SMYD3: variants seen among roughly 807,000 people sequenced by gnomAD.
SMYD3 encodes the protein SET and MYND domain containing 3.
In SMYD3, 36 loss-of-function variants were observed where a neutral mutation model predicts 57.7. That is an observed-to-expected ratio of 0.62 (90% CI 0.48 to 0.82). The LOEUF is 0.82. Among genes scored for constraint, SMYD3 ranks in the 40% least tolerant of loss-of-function variants. The pLI is 0.00. For missense variants in SMYD3, 515 were observed against 538.8 expected (o/e 0.96, Z 0.44); for synonymous variants, 211 against 195.0 (o/e 1.08, Z -0.68).
At chr1:246,240,350 CT>C (rs951123148) in intron 5 of SMYD3, among the ~76,000 whole-genome samples, 10 of 152,178 alleles carry the variant, frequency 6.6e-5, no homozygotes, top group African/African-American at 2.2e-4. Context: ...AATAGGGAAT[CT>C]TTCCCCCATT....
intron 5 of SMYD3, among the ~76,000 whole-genome samples, chr1:246,026,613 T>C (rs951004048): frequency 2.0e-5 from 3 of 152,216 alleles, no homozygotes; most frequent in African/African-American, 7.2e-5. Context: ...ACATTACTAC[T>C]GTAATTGTTT....
chr1:246,073,016 G>A (rs1048221062), intron 5 of SMYD3, among the ~76,000 whole-genome samples: 1 of 152,198 alleles, frequency 6.6e-6, no homozygotes, highest in African/African-American at 2.4e-5. Flanking sequence ...GCAGTGACCA[G>A]AGGTTTTTGA....
chr1:245,955,928 G>C, intron 5 of SMYD3: 1 of 976,696 alleles, frequency 1.0e-6, no homozygotes, highest in Non-Finnish European at 1.2e-6. Flanking sequence ...TTATGTTGAT[G>C]CATGTTGCTA....
At chr1:246,352,029 G>A (rs1439397982) in intron 2 of SMYD3, among the ~76,000 whole-genome samples, 8 of 151,018 alleles carry the variant, frequency 5.3e-5, no homozygotes, top group African/African-American at 1.9e-4. Flanking sequence ...CCAACTACCT[G>A]GGGAGGCTGA....
At chr1:246,424,028 G>A (rs938452253) in intron 1 of SMYD3, among the ~76,000 whole-genome samples, 19 of 152,150 alleles carry the variant, frequency 1.2e-4, no homozygotes, top group African/African-American at 4.6e-4. Flanking sequence ...GGTACCAGCA[G>A]ACCTAAAGCT....
intron 5 of SMYD3, among the ~76,000 whole-genome samples, chr1:245,969,313 A>G (rs1174748008): frequency 6.6e-6 from 1 of 152,204 alleles, no homozygotes; most frequent in Admixed American, 6.5e-5. Context: ...ATACAACTGC[A>G]CAACTTCTAC....
intron 5 of SMYD3, among the ~76,000 whole-genome samples, chr1:245,998,405 G>A (rs1481949092): frequency 1.3e-5 from 2 of 152,276 alleles, no homozygotes; most frequent in South Asian, 2.1e-4. Flanking sequence ...CTGAAGCACC[G>A]TTTGATTCTT....
In SMYD3 at chr1:245,971,588, G is replaced by A. The variant is rs550751493; in HGVS notation, c.532-41651C>T. 2.8e-4 allele frequency among the ~76,000 whole-genome samples: 42 copies of A among 152,314 alleles called. No homozygotes were observed. The South Asian group carries it at 7.9e-3, about 29-fold the overall frequency. On this transcript the variant is annotated intron_variant, in intron 5 of 11. Coordinates refer to ENST00000490107, the MANE Select transcript of SMYD3 (RefSeq NM_001167740.2). ...CATTCTTCTTCCTGAGGGAAAACCT[G>A]AGCTTAGGTTGTTCTCTCTGAAACA...
At chr1:245,808,100 G>A (rs959918806) in intron 10 of SMYD3, among the ~76,000 whole-genome samples, 2 of 152,174 alleles carry the variant, frequency 1.3e-5, no homozygotes, top group African/African-American at 4.8e-5. Context: ...ATAATAAACT[G>A]GCTGTTCCCA....
chr1:245,784,184 G>C (rs1158384669), intron 10 of SMYD3, among the ~76,000 whole-genome samples: 1 of 152,210 alleles, frequency 6.6e-6, no homozygotes, highest in East Asian at 1.9e-4. Context: ...TAGTTCTCAT[G>C]CTAATTCTGC....
intron 5 of SMYD3, among the ~76,000 whole-genome samples, chr1:245,951,413 CA>C (rs1314905994): frequency 3.6e-5 from 5 of 137,822 alleles, no homozygotes; most frequent in African/African-American, 1.2e-4. Context: ...ACTAAAAATA[CA>C]AAAAATTAGC....
intron 5 of SMYD3, among the ~76,000 whole-genome samples, chr1:246,128,987 G>A (rs1043772287): frequency 2.6e-5 from 4 of 151,800 alleles, no homozygotes; most frequent in East Asian, 1.9e-4. Context: ...TGTATTTTTC[G>A]GGGTTTTGCC....
intron 5 of SMYD3, among the ~76,000 whole-genome samples, chr1:246,154,033 C>T (rs1461371714): frequency 6.6e-6 from 1 of 152,194 alleles, no homozygotes; most frequent in Non-Finnish European, 1.5e-5. Flanking sequence ...CTGCCCCATA[C>T]ATGAGTCACT....
chr1:245,817,077 C>T (rs2048862146), intron 10 of SMYD3, among the ~76,000 whole-genome samples: 2 of 151,560 alleles, frequency 1.3e-5, no homozygotes, highest in South Asian at 2.1e-4. Flanking sequence ...CCTCTGTAGG[C>T]TCCACCTCTG....
intron 11 of SMYD3, 144 bp downstream of exon 11, chr1:245,763,897 T>C (rs12082917): frequency 0.013 from 7,824 of 590,406 alleles, 462 homozygotes; most frequent in African/African-American, 0.13. Flanking sequence ...CCAGAGTGGT[T>C]GTTAAACATT....
chr1:246,445,011 T>C (rs192307394), intron 1 of SMYD3, among the ~76,000 whole-genome samples: 2 of 152,346 alleles, frequency 1.3e-5, no homozygotes, highest in East Asian at 3.9e-4. Flanking sequence ...CTTGGGGCTT[T>C]GTTCCCTCCT....
In SMYD3 at chr1:246,023,807, C is replaced by CTCTGTGTG. The variant is rs374649828; in HGVS notation, c.532-93871_532-93870insCACACAGA. ...CCCACTTCACAGGACTATTACAAAACTGTGTGTGTGTGTGTGTGTGTGTGT... is the reference window on the plus strand; with the variant it reads ...CCCACTTCACAGGACTATTACAAAACTCTGTGTGTGTGTGTGTGTGTGTGTGTGTGTGT... On this transcript the variant is annotated intron_variant, in intron 5 of 11. Coordinates refer to ENST00000490107, the MANE Select transcript of SMYD3 (RefSeq NM_001167740.2). Among the ~76,000 whole-genome samples, 32 of 139,612 alleles carry CTCTGTGTG rather than the reference C, an allele frequency of 2.3e-4. No individual in the cohort carries two copies. In the East Asian group the frequency reaches 6.3e-3, roughly 27 times the overall value. The allele number at this position is 139,612 out of a possible 152,430, so 91.6% of individuals were successfully genotyped here.
chr1:246,199,972 G>A (rs72475069), intron 5 of SMYD3, among the ~76,000 whole-genome samples: 9,675 of 139,414 alleles, frequency 0.069, 845 homozygotes, highest in East Asian at 0.25. Flanking sequence ...CAGCGTAGAC[G>A]CTGAGGTAGA....
chr1:245,869,565 A>T (rs1352625596), intron 8 of SMYD3, among the ~76,000 whole-genome samples: 1 of 152,166 alleles, frequency 6.6e-6, no homozygotes, highest in Non-Finnish European at 1.5e-5. Flanking sequence ...AAACAGTACA[A>T]TCGTAGAGCT....
Sources: allele counts gnomAD v4.1 joint callset (sites outside exome capture counted in the v4.1 genomes callset), GRCh38; gene constraint gnomAD v4.1.1; transcripts MANE v1.5; gene names NCBI Gene and HGNC (gene_info 2026-07-23, HGNC 2026-07-21).